Variants in CENPS observed in about 807,000 individuals in gnomAD.
The protein encoded by CENPS is FANCM associated histone fold protein 1.
In CENPS, 16 loss-of-function variants were observed where a neutral mutation model predicts 17.9. The ratio of observed to expected loss-of-function variants is 0.90; its 90% CI spans 0.61 to 1.36. The LOEUF is 1.36. Ranked by LOEUF, CENPS falls within the 40% of genes most tolerant of loss-of-function variation. The pLI, the probability that CENPS is intolerant of heterozygous loss-of-function variation, is 0.00. For synonymous variants in CENPS, 49 were observed against 55.8 expected (o/e 0.88, Z 0.54); for missense variants, 160 against 158.6 (o/e 1.01, Z -0.05).
chr1:10,433,084 G>A (rs1356361501), intron 1 of CENPS, among the ~76,000 whole-genome samples: 1 of 152,120 alleles, frequency 6.6e-6, no homozygotes, highest in African/African-American at 2.4e-5. Context: ...CTGTCATCAC[G>A]TGCAGCTCAG....
chr1:10,430,938 G>A lies in CENPS; in HGVS notation c.51+370G>A, dbSNP rs913834271. The A allele has an allele frequency of 1.8e-5, 23 of 1,249,078 alleles. No individual in the cohort carries two copies. The African/African-American group carries it at 3.0e-4, about 16-fold the overall frequency. 77.4% of individuals were successfully genotyped at this position (1,249,078 alleles called of 1,614,324 possible). ...ATTCCAGGTGACGCCCGTACGCGGT[G>A]GGCGGTTCGGGCCGGAGCTCTGGAA... On this transcript the variant is annotated intron_variant, in intron 1 of 4. Coordinates refer to ENST00000309048, the MANE Select transcript of CENPS (RefSeq NM_199294.3).
chr1:10,436,076 C>G (rs1393131829), intron 3 of CENPS, among the ~76,000 whole-genome samples: 1 of 151,090 alleles, frequency 6.6e-6, no homozygotes, highest in Non-Finnish European at 1.5e-5. Context: ...CTCCTGGGTT[C>G]AAGTGATTCT....
Position 10,435,980 on chromosome 1 carries a change from GA to G in CENPS, c.209+1291del, listed in dbSNP as rs34898316. On this transcript the variant is annotated intron_variant, in intron 3 of 4. Coordinates refer to ENST00000309048, the MANE Select transcript of CENPS (RefSeq NM_199294.3). ...TGTTTTTTAAAGTATATAAGAGGTTGATTTTTTTTTTTTTTTGGAGACAGAG... is the reference window on the plus strand; with the variant it reads ...TGTTTTTTAAAGTATATAAGAGGTTGTTTTTTTTTTTTTTTGGAGACAGAG... Among the ~76,000 whole-genome samples, 434 of 123,664 alleles carry G rather than the reference GA, an allele frequency of 3.5e-3. 1 individual carries two copies. The highest frequency in any genetic ancestry group is 0.013 in the African/African-American group (413 of 32,292). 81.1% of individuals were successfully genotyped at this position (123,664 alleles called of 152,430 possible).
intron 3 of CENPS, among the ~76,000 whole-genome samples, chr1:10,435,695 TAAAAA>T (rs1640116746): frequency 2.1e-5 from 2 of 96,394 alleles, no homozygotes; most frequent in Non-Finnish European, 4.7e-5. Context: ...TTTAAATACT[TAAAAA>T]TAATATATAT....
chr1:10,434,796 T>A, intron 3 of CENPS, 106 bp downstream of exon 3: 2 of 1,424,146 alleles, frequency 1.4e-6, no homozygotes, highest in Non-Finnish European at 1.9e-6. Context: ...GTTTTCCGTG[T>A]GTTTTGTGGA....
intron 3 of CENPS, 56 bp downstream of exon 3, chr1:10,434,746 T>A: frequency 6.5e-7 from 1 of 1,546,436 alleles, no homozygotes; most frequent in Admixed American, 2.3e-5. Context: ...TTGGGGCCTC[T>A]CCATCTGGTG....
intron 3 of CENPS, among the ~76,000 whole-genome samples, chr1:10,439,818 G>T (rs2124284462): frequency 6.6e-6 from 1 of 152,266 alleles, no homozygotes; most frequent in African/African-American, 2.4e-5. Flanking sequence ...CTACTTGTTG[G>T]GAATGGGGCC....
intron 4 of CENPS, among the ~76,000 whole-genome samples, chr1:10,441,130 A>G (rs1312847104): frequency 6.6e-6 from 1 of 152,180 alleles, no homozygotes; most frequent in Non-Finnish European, 1.5e-5. Flanking sequence ...ATAGCAGTTT[A>G]CAGGGGCTTT....
intron 1 of CENPS, chr1:10,431,146 A>G: frequency 6.9e-7 from 1 of 1,439,004 alleles, no homozygotes; most frequent in Non-Finnish European, 9.1e-7. Context: ...ATCACTTGTC[A>G]GGGTAGCTGC....
intron 3 of CENPS, among the ~76,000 whole-genome samples, chr1:10,438,027 G>A (rs1570045578): frequency 6.6e-6 from 1 of 151,678 alleles, no homozygotes; most frequent in East Asian, 2.0e-4. Context: ...CTCCCAAAGT[G>A]CTGGGATTAC....
chr1:10,437,475 T>TTTTTTTTTTG (rs71583869), intron 3 of CENPS, among the ~76,000 whole-genome samples: 183 of 145,720 alleles, frequency 1.3e-3, no homozygotes, highest in African/African-American at 1.5e-3. Context: ...TTTTTGTTTT[T>TTTTTTTTTTG]AGATGGAGTC....
intron 3 of CENPS, 118 bp downstream of exon 3, chr1:10,434,808 G>C (rs1640075038): frequency 7.3e-7 from 1 of 1,361,732 alleles, no homozygotes; most frequent in South Asian, 1.7e-5. Flanking sequence ...TTTTGTGGAG[G>C]CTTGTCTCTA....
intron 2 of CENPS, 32 bp downstream of exon 2, chr1:10,433,997 G>T (rs1359987013): frequency 6.2e-7 from 1 of 1,613,434 alleles, no homozygotes; most frequent in African/African-American, 1.3e-5. Context: ...AGCCATGTCT[G>T]TAAACCCCAA....
In CENPS at chr1:10,430,729, G is replaced by T. The variant is rs1639867420; in HGVS notation, c.51+161G>T. 4.2e-6 allele frequency: 6 copies of T among 1,411,944 alleles called. No individual in the cohort carries two copies. The South Asian group carries it at 6.3e-5, about 15-fold the overall frequency. The allele number at this position is 1,411,944 out of a possible 1,614,324, so 87.5% of individuals were successfully genotyped here. On this transcript the variant is annotated intron_variant, in intron 1 of 4. Coordinates refer to ENST00000309048, the MANE Select transcript of CENPS (RefSeq NM_199294.3). ...GGCTTAACTGCCGCGGGTGGTGCTG[G>T]GAGGCGGTTTCCGCGGCAACGCGGC...
intron 4 of CENPS, 117 bp from the exon 5 acceptor site, chr1:10,442,148 T>C (rs1199695709): frequency 7.5e-7 from 1 of 1,336,874 alleles, no homozygotes; most frequent in African/African-American, 1.5e-5. Context: ...GCTTTGGCTT[T>C]TCTACCCAAA....
At chr1:10,435,005 G>A (rs879155699) in intron 3 of CENPS, among the ~76,000 whole-genome samples, 52 of 152,206 alleles carry the variant, frequency 3.4e-4, no homozygotes, top group Non-Finnish European at 6.9e-4. Context: ...CCATGTCTTC[G>A]GGTGGTTTGA....
intron 3 of CENPS, among the ~76,000 whole-genome samples, chr1:10,439,898 G>A (rs1426235648): frequency 2.0e-5 from 3 of 152,156 alleles, no homozygotes; most frequent in Non-Finnish European, 4.4e-5. Context: ...CTTGACCTAA[G>A]TAAAGCCATC....
At chr1:10,431,552 C>T (rs973781146) in intron 1 of CENPS, among the ~76,000 whole-genome samples, 2 of 152,152 alleles carry the variant, frequency 1.3e-5, no homozygotes, top group African/African-American at 4.8e-5. Flanking sequence ...CTTTAGTACA[C>T]ATCTCCCAAA....
chr1:10,434,377 A>G (rs1248895896), intron 2 of CENPS, among the ~76,000 whole-genome samples: 2 of 152,208 alleles, frequency 1.3e-5, no homozygotes, highest in Admixed American at 6.5e-5. Flanking sequence ...GCAGAAGTTA[A>G]AGGATAGTTT....
Sources: gnomAD v4.1 joint callset for allele counts (sites outside exome capture counted in the v4.1 genomes callset) on GRCh38, gnomAD v4.1.1 for gene constraint, MANE v1.5 for transcripts, NCBI Gene and HGNC (gene_info 2026-07-23, HGNC 2026-07-21) for gene names.